The following PRORP variants were observed in gnomAD, a reference collection of about 807,000 sequenced individuals.
PRORP encodes mitochondrial ribonuclease P catalytic subunit.
A neutral mutation model predicts 59.4 loss-of-function variants in PRORP; 51 were observed. The observed-to-expected ratio is 0.86, with a 90% CI of 0.69 to 1.08. PRORP has a LOEUF of 1.08. PRORP is among the 50% of genes least tolerant of loss of function. PRORP has a pLI of 0.00. For synonymous variants in PRORP, 231 were observed against 245.6 expected, an observed-to-expected ratio of 0.94 and a Z score of 0.55; for missense variants, 646 against 690.3, an observed-to-expected ratio of 0.94 and a Z score of 0.72.
intron 4 of PRORP, among the ~76,000 whole-genome samples, chr14:35,135,144 A>G (rs4494460): frequency 0.19 from 28,414 of 152,104 alleles, 2,790 homozygotes; most frequent in Middle Eastern, 0.28. Context: ...TCTGCACCAC[A>G]TTGCTGCTGC....
chr14:35,221,759 T>C (rs1022783486), intron 5 of PRORP, among the ~76,000 whole-genome samples: 10 of 152,242 alleles, frequency 6.6e-5, no homozygotes, highest in Non-Finnish European at 1.0e-4. Context: ...GCGGTTGTTC[T>C]GGTATTCAAG....
chr14:35,200,853 T>A (rs181172260), intron 5 of PRORP, among the ~76,000 whole-genome samples: 3 of 152,356 alleles, frequency 2.0e-5, no homozygotes, highest in African/African-American at 7.2e-5. Context: ...GATATATTGC[T>A]ATTAACTAAA....
intron 4 of PRORP, among the ~76,000 whole-genome samples, chr14:35,178,047 G>T (rs2048499547): frequency 6.6e-6 from 1 of 152,170 alleles, no homozygotes; most frequent in African/African-American, 2.4e-5. Context: ...CCATGTAGTT[G>T]AGCGGTTGAG....
At chr14:35,272,438 C>T (rs943886613) in intron 7 of PRORP, among the ~76,000 whole-genome samples, 6 of 152,018 alleles carry the variant, frequency 3.9e-5, no homozygotes, top group African/African-American at 1.4e-4. Context: ...CATGGTAAGA[C>T]CATGTCTCTA....
At chr14:35,133,472 T>C (rs2047300289) in intron 4 of PRORP, among the ~76,000 whole-genome samples, 1 of 152,246 alleles carries the variant, frequency 6.6e-6, no homozygotes, top group African/African-American at 2.4e-5. Flanking sequence ...ATTCTCTGTC[T>C]GAAAGGTCAC....
chr14:35,126,434 A>G (rs2047099854), intron 2 of PRORP, among the ~76,000 whole-genome samples: 1 of 152,168 alleles, frequency 6.6e-6, no homozygotes, highest in Non-Finnish European at 1.5e-5. Context: ...TTTATGGAGA[A>G]GGTAAGAGTT....
At chr14:35,157,093 C>G (rs1295954122) in intron 4 of PRORP, among the ~76,000 whole-genome samples, 1 of 151,736 alleles carries the variant, frequency 6.6e-6, no homozygotes, top group East Asian at 1.9e-4. Context: ...ATAGCTGGGA[C>G]TACAGGCGCC....
intron 4 of PRORP, among the ~76,000 whole-genome samples, chr14:35,159,384 C>G (rs574157760): frequency 1.3e-5 from 2 of 152,232 alleles, no homozygotes; most frequent in South Asian, 2.1e-4. Flanking sequence ...ATCTCAGTCC[C>G]TTTTCTGTCA....
intron 4 of PRORP, among the ~76,000 whole-genome samples, chr14:35,133,591 A>G (rs1190495832): frequency 6.6e-6 from 1 of 152,048 alleles, no homozygotes; most frequent in Non-Finnish European, 1.5e-5. Flanking sequence ...AGAGTTAGGT[A>G]TTTATTGTAG....
At chr14:35,254,541 C>T (rs960464774) in intron 5 of PRORP, among the ~76,000 whole-genome samples, 4 of 152,158 alleles carry the variant, frequency 2.6e-5, no homozygotes, top group East Asian at 1.9e-4. Context: ...TACAGGCATG[C>T]GCCACCACTC....
intron 5 of PRORP, among the ~76,000 whole-genome samples, chr14:35,227,414 A>C (rs112210066): frequency 0.052 from 7,846 of 152,020 alleles, 346 homozygotes; most frequent in Admixed American, 0.15. Flanking sequence ...ACTGCACTCC[A>C]GCCTGGGTGA....
rs1238845357 is a variant in PRORP at position 35,158,828 on chromosome 14, T to C, written c.1168-21842T>C. The C allele has an allele frequency of 2.2e-5, 7 of 312,664 alleles. No individual in the cohort carries two copies. In the East Asian group the frequency reaches 5.4e-4, roughly 24 times the overall value. The allele number at this position is 312,664 out of a possible 1,614,324, so 19.4% of individuals were successfully genotyped here. A position where few individuals can be genotyped will look rare whatever the true frequency, so the allele number is the denominator to read the frequency against. On this transcript the variant is annotated intron_variant, in intron 4 of 7. Transcript: ENST00000534898. ...TCCTCCTGTACAGTCTTTTTAGTAA[T>C]AATTCTATGAGAAAGACTTGGATAT... is the stretch of plus-strand genomic sequence containing the variant.
At chr14:35,231,723 A>G (rs1259122188) in intron 5 of PRORP, among the ~76,000 whole-genome samples, 3 of 152,220 alleles carry the variant, frequency 2.0e-5, no homozygotes, top group South Asian at 4.1e-4. Context: ...ATGTGAAAGG[A>G]AAGTCCTTAG....
chr14:35,163,751 C>T (rs141639108), intron 4 of PRORP, among the ~76,000 whole-genome samples: 263 of 152,148 alleles, frequency 1.7e-3, no homozygotes, highest in African/African-American at 6.1e-3. Flanking sequence ...TACAGAGGCT[C>T]TTTAGTTTAA....
At chr14:35,241,532 C>G (rs1272916268) in intron 5 of PRORP, among the ~76,000 whole-genome samples, 1 of 152,176 alleles carries the variant, frequency 6.6e-6, no homozygotes, top group Non-Finnish European at 1.5e-5. Flanking sequence ...CTTTTCATCT[C>G]TCACTGTTGC....
intron 4 of PRORP, among the ~76,000 whole-genome samples, chr14:35,130,655 T>C (rs1488042822): frequency 1.3e-5 from 2 of 151,928 alleles, no homozygotes; most frequent in African/African-American, 4.8e-5. Flanking sequence ...GGCTAATTTT[T>C]GTATTTTTAG....
intron 2 of PRORP, among the ~76,000 whole-genome samples, chr14:35,125,299 T>A (rs1261091273): frequency 1.3e-5 from 2 of 152,246 alleles, no homozygotes; most frequent in Non-Finnish European, 2.9e-5. Context: ...ATCATTTGGC[T>A]GCTGTCTCTC....
intron 5 of PRORP, among the ~76,000 whole-genome samples, chr14:35,245,389 T>A (rs1192822939): frequency 6.6e-6 from 1 of 152,184 alleles, no homozygotes. Context: ...ACGCCTCTAA[T>A]ACCAGCACTT....
At chr14:35,264,884 A>G (rs1200706913) in intron 5 of PRORP, among the ~76,000 whole-genome samples, 1 of 152,124 alleles carries the variant, frequency 6.6e-6, no homozygotes, top group Non-Finnish European at 1.5e-5. Flanking sequence ...AAGTGCCACC[A>G]CTTGTGTGGC....
Sources: gnomAD v4.1 joint callset for allele counts (sites outside exome capture counted in the v4.1 genomes callset) on GRCh38, gnomAD v4.1.1 for gene constraint, MANE v1.5 for transcripts, NCBI Gene and HGNC (gene_info 2026-07-23, HGNC 2026-07-21) for gene names.